Variants in UTRN observed in about 807,000 individuals in gnomAD.
UTRN encodes utrophin.
UTRN carries 283 observed loss-of-function variants against 463.9 expected under a neutral mutation model. The observed-to-expected ratio is 0.61, with a 90% CI of 0.55 to 0.67. The LOEUF (loss-of-function observed/expected upper bound fraction) is 0.67, where lower values mean the gene tolerates loss of function less well. UTRN is among the 30% of genes least tolerant of loss of function. The pLI is 0.00. For missense variants in UTRN, 3,922 were observed against 4,084.3 expected (o/e 0.96, Z 1.08); for synonymous variants, 1,442 against 1,431.5 (o/e 1.01, Z -0.17).
At chr6:144,492,704 T>C (rs996156199) in intron 32 of UTRN, among the ~76,000 whole-genome samples, 1 of 152,246 alleles carries the variant, frequency 6.6e-6, no homozygotes, top group Non-Finnish European at 1.5e-5. Context: ...TTTTTAATAA[T>C]GGTCATTCAG....
intron 46 of UTRN, among the ~76,000 whole-genome samples, chr6:144,543,504 A>G (rs564199753): frequency 2.3e-4 from 35 of 152,106 alleles, no homozygotes; most frequent in Non-Finnish European, 4.7e-4. Flanking sequence ...TCCTCTGTTG[A>G]GTCACCTGGC....
intron 2 of UTRN, among the ~76,000 whole-genome samples, chr6:144,323,916 A>C (rs529549718): frequency 6.6e-6 from 1 of 152,330 alleles, no homozygotes; most frequent in African/African-American, 2.4e-5. Context: ...TTTGTGGGGA[A>C]CATTGGTATC....
At chr6:144,682,749 A>G (rs1009599863) in intron 52 of UTRN, among the ~76,000 whole-genome samples, 3 of 152,254 alleles carry the variant, frequency 2.0e-5, no homozygotes, top group Admixed American at 6.5e-5. Context: ...AAAAATGAAT[A>G]AGATAAAATT....
At chr6:144,465,129 A>G (rs1056398045) in intron 23 of UTRN, among the ~76,000 whole-genome samples, 4 of 152,204 alleles carry the variant, frequency 2.6e-5, no homozygotes, top group African/African-American at 9.7e-5. Flanking sequence ...AAGTTTAGCA[A>G]TGCCAGATGA....
chr6:144,704,749 G>A (rs1446882118), intron 53 of UTRN, among the ~76,000 whole-genome samples: 6 of 152,104 alleles, frequency 3.9e-5, no homozygotes, highest in Non-Finnish European at 7.4e-5. Flanking sequence ...GGATCATGAG[G>A]TCAAGAGATC....
Position 144,522,031 on chromosome 6 carries a change from T to A in UTRN, c.5593T>A (p.Ser1865Thr), listed in dbSNP as rs756621951. 2 of 1,586,816 alleles carry A rather than the reference T, an allele frequency of 1.3e-6. No homozygotes were observed. Among genetic ancestry groups the A allele is most frequent in the African/African-American group, 1.4e-5 (1 of 73,096 alleles). Residue 1865 changes from serine (S) to threonine (T), a missense_variant, in exon 40 of 75, where the codon TCA becomes ACA. Ser to Thr is a moderately conservative substitution (Grantham distance 58). Transcript: ENST00000367545. ...KMGQLASGIR[S>T]SLLPTDYLVE... ...GGGTCAACTTGCTTCTGGAATTAGA[T>A]CATCACTTCTTCCTACAGATTATCT...
At chr6:144,787,391 G>A (rs918199215) in intron 61 of UTRN, among the ~76,000 whole-genome samples, 4 of 152,114 alleles carry the variant, frequency 2.6e-5, no homozygotes, top group African/African-American at 9.7e-5. Flanking sequence ...GAAGGGCTAT[G>A]TTTATTTTAA....
chr6:144,494,835 TAC>T lies in UTRN; in HGVS notation c.4593+1381_4593+1382del, dbSNP rs1002838472. On this transcript the variant is annotated intron_variant, in intron 33 of 74. Transcript: ENST00000367545. ...GTGTGTTTACAAACCTTGAGCTAGA[TAC>T]AGAGTGCCAATTGGTGTATTTACAA... is the stretch of plus-strand genomic sequence containing the variant. Among the ~76,000 whole-genome samples the T allele has an allele frequency of 3.9e-5, 6 of 152,012 alleles. 1 individual carries two copies. Among genetic ancestry groups the T allele is most frequent in the African/African-American group, 1.2e-4 (5 of 41,428 alleles).
intron 2 of UTRN, among the ~76,000 whole-genome samples, chr6:144,327,828 T>C (rs1387207198): frequency 1.3e-5 from 2 of 151,958 alleles, no homozygotes; most frequent in African/African-American, 4.8e-5. Context: ...CCTGGAATCC[T>C]AGCAACTCGT....
At chr6:144,452,454 A>G (rs1394993704) in intron 18 of UTRN, among the ~76,000 whole-genome samples, 1 of 152,206 alleles carries the variant, frequency 6.6e-6, no homozygotes, top group Non-Finnish European at 1.5e-5. Flanking sequence ...TGAATAATAT[A>G]TAAATATCAG....
At chr6:144,664,339 C>T (rs770432963) in intron 51 of UTRN, among the ~76,000 whole-genome samples, 3 of 152,022 alleles carry the variant, frequency 2.0e-5, no homozygotes, top group Non-Finnish European at 4.4e-5. Flanking sequence ...ATTTGAAATG[C>T]GATAATTTTT....
intron 2 of UTRN, among the ~76,000 whole-genome samples, chr6:144,376,201 A>T (rs925196026): frequency 6.6e-6 from 1 of 152,084 alleles, no homozygotes; most frequent in Non-Finnish European, 1.5e-5. Context: ...TCACGCCTGT[A>T]ATCCCAGCAC....
At chr6:144,305,991 TAAA>T (rs963023700) in intron 2 of UTRN, among the ~76,000 whole-genome samples, 5 of 152,292 alleles carry the variant, frequency 3.3e-5, no homozygotes, top group African/African-American at 1.2e-4. Context: ...ACATATTAAA[TAAA>T]AAAAGCTTCC....
intron 34 of UTRN, among the ~76,000 whole-genome samples, chr6:144,501,542 A>G (rs952997737): frequency 6.6e-6 from 1 of 152,186 alleles, no homozygotes; most frequent in African/African-American, 2.4e-5. Flanking sequence ...CCTTCTTTTA[A>G]AAACTTACAT....
intron 13 of UTRN, among the ~76,000 whole-genome samples, chr6:144,444,069 G>C (rs9496974): frequency 0.11 from 17,169 of 152,170 alleles, 2,331 homozygotes; most frequent in African/African-American, 0.32. Context: ...TTCTAGCTAT[G>C]TGAAATCATT....
In UTRN at chr6:144,577,190, G is replaced by A. The variant is rs1801520824; in HGVS notation, c.7381G>A (p.Glu2461Lys). ...GGAAAACTTCCTGAAGTGGATCCAA[G>A]AAGCAGAGACCACAGTGAATGTGCT... ...DLENFLKWIQEAETTVNVLVD... is the reference protein window; with the variant it reads ...DLENFLKWIQKAETTVNVLVD... Residue 2461 changes from glutamate (E) to lysine (K), a missense_variant, in exon 51 of 75, where the codon GAA becomes AAA. Physicochemically the swap from Glu to Lys is moderately conservative, Grantham distance 56. Transcript: ENST00000367545. 7.4e-6 allele frequency: 12 copies of A among 1,613,984 alleles called. No individual in the cohort carries two copies. Among genetic ancestry groups the A allele is most frequent in the Non-Finnish European group, 7.6e-6 (9 of 1,179,930 alleles).
chr6:144,685,342 G>A (rs1403257004), intron 52 of UTRN, among the ~76,000 whole-genome samples: 2 of 152,076 alleles, frequency 1.3e-5, no homozygotes. Context: ...ATAAACATAC[G>A]AGTGCCAGTG....
At chr6:144,684,567 A>C (rs1782552230) in intron 52 of UTRN, among the ~76,000 whole-genome samples, 1 of 152,198 alleles carries the variant, frequency 6.6e-6, no homozygotes, top group Non-Finnish European at 1.5e-5. Flanking sequence ...CCAGGAGATC[A>C]AGGGCAGACT....
At chr6:144,332,772 A>G (rs1776427164) in intron 2 of UTRN, among the ~76,000 whole-genome samples, 1 of 152,078 alleles carries the variant, frequency 6.6e-6, no homozygotes, top group African/African-American at 2.4e-5. Flanking sequence ...GTTCTCTAAA[A>G]CCTGATAATT....
Sources: gnomAD v4.1 joint callset for allele counts (sites outside exome capture counted in the v4.1 genomes callset) on GRCh38, gnomAD v4.1.1 for gene constraint, MANE v1.5 for transcripts, NCBI Gene and HGNC (gene_info 2026-07-23, HGNC 2026-07-21) for gene names.